The following YBX1 variants were observed in gnomAD, a reference collection of about 807,000 sequenced individuals.
The protein encoded by YBX1 is Y-box binding protein 1, also known as Y-box-binding protein 1.
In YBX1, 3 loss-of-function variants were observed where a neutral mutation model predicts 41.4. That is an observed-to-expected ratio of 0.07 (90% CI 0.03 to 0.19). The LOEUF (loss-of-function observed/expected upper bound fraction) is 0.19. Among genes scored for constraint, YBX1 ranks in the 10% least tolerant of loss-of-function variants. YBX1 has a pLI of 1.00. For synonymous variants in YBX1, 133 were observed against 165.8 expected (o/e 0.80, Z 1.52); for missense variants, 274 against 462.8 (o/e 0.59, Z 3.74).
Position 42,696,552 on chromosome 1 carries a change from C to A in YBX1, c.355-90C>A. On this transcript the variant is annotated intron_variant, in intron 4 of 7. Coordinates refer to ENST00000321358, the MANE Select transcript of YBX1 (RefSeq NM_004559.5). The surrounding 1 kb of genome is among the most constrained non-coding windows in gnomAD (Gnocchi z 5.7). ...TTTTCCTTAACTTTGTTGTTTTTTGCTTTGTTTGAAAATGTTCTGATTTCC... is the reference window on the plus strand; with the variant it reads ...TTTTCCTTAACTTTGTTGTTTTTTGATTTGTTTGAAAATGTTCTGATTTCC... 1 of 266,354 alleles carries A rather than the reference C, an allele frequency of 3.8e-6. No homozygotes were observed. Among genetic ancestry groups the A allele is most frequent in the Non-Finnish European group, 7.1e-6 (1 of 141,748 alleles). 16.5% of individuals were successfully genotyped at this position (266,354 alleles called of 1,614,324 possible).
In YBX1 at chr1:42,703,240, T is replaced by C. The variant is rs1328726846; in HGVS notation, c.*1291T>C. 1.3e-5 allele frequency among the ~76,000 whole-genome samples: 2 copies of C among 152,116 alleles called. No homozygotes were observed. The highest frequency in any genetic ancestry group is 2.9e-5 in the Non-Finnish European group (2 of 68,026). ...CACCTGGCCTCTCTGGCTTTTGTTTTCTAATGTTTTGTTAGATGTTCTTTG... is the reference window on the plus strand; with the variant it reads ...CACCTGGCCTCTCTGGCTTTTGTTTCCTAATGTTTTGTTAGATGTTCTTTG... On this transcript the variant is annotated 3_prime_UTR_variant, in exon 8 of 8. Coordinates refer to ENST00000321358, the MANE Select transcript of YBX1 (RefSeq NM_004559.5).
Position 42,682,425 on chromosome 1 carries a change from C to G in YBX1, c.-141C>G. On this transcript the variant is annotated 5_prime_UTR_variant, in exon 1 of 8. Transcript: ENST00000321358. ...TATCCCGCCTGTCCCGCCATTCTCGCTAGTTCGATCGGTAGCGGGAGCGGA... is the reference window on the plus strand; with the variant it reads ...TATCCCGCCTGTCCCGCCATTCTCGGTAGTTCGATCGGTAGCGGGAGCGGA... 1 of 1,090,722 alleles carries G rather than the reference C, an allele frequency of 9.2e-7. No individual in the cohort carries two copies. The highest frequency in any genetic ancestry group is 2.3e-5 in the South Asian group (1 of 42,702). The allele number at this position is 1,090,722 out of a possible 1,614,324, so 67.6% of individuals were successfully genotyped here.
In YBX1 at chr1:42,701,038, A is replaced by G; in HGVS notation, c.*23A>G. 1 of 1,611,004 alleles carries G rather than the reference A, an allele frequency of 6.2e-7. No homozygotes were observed. The highest frequency in any genetic ancestry group is 8.5e-7 in the Non-Finnish European group (1 of 1,177,356). On this transcript the variant is annotated 3_prime_UTR_variant, in exon 7 of 8. Transcript: ENST00000321358. ...TAAATGCCGGCTTACCATCTCTACC[A>G]TCATCCGGGTAAGCAAGCTTGGATG...
At chr1:42,684,689 T>C (rs573316678) in intron 2 of YBX1, among the ~76,000 whole-genome samples, 8 of 152,378 alleles carry the variant, frequency 5.3e-5, no homozygotes, top group Admixed American at 4.6e-4. Context: ...ATATACTGTT[T>C]GCTTTCCTGG....
Position 42,683,533 on chromosome 1 carries a change from G to C in YBX1, c.230+67G>C, listed in dbSNP as rs554651259. 1.5e-3 allele frequency: 2,341 copies of C among 1,584,204 alleles called. 4 individuals are homozygous for C. The highest frequency in any genetic ancestry group is 1.8e-3 in the Non-Finnish European group (2,060 of 1,155,104). ...TTGCTTCCTGCTCTGTCGGCTTCTC[G>C]GGGCTTGGGAAGCCCCAATCCACAG... is the stretch of plus-strand genomic sequence containing the variant. On this transcript the variant is annotated intron_variant, in intron 2 of 7. Coordinates refer to ENST00000321358, the MANE Select transcript of YBX1 (RefSeq NM_004559.5).
At chr1:42,692,180 A>G (rs1389362056) in intron 2 of YBX1, among the ~76,000 whole-genome samples, 2 of 152,228 alleles carry the variant, frequency 1.3e-5, no homozygotes, top group African/African-American at 2.4e-5. Context: ...GTTGAAAATC[A>G]CTATTCTAGA....
At chr1:42,689,814 T>A (rs145194874) in intron 2 of YBX1, among the ~76,000 whole-genome samples, 2 of 152,340 alleles carry the variant, frequency 1.3e-5, no homozygotes, top group Admixed American at 1.3e-4. Flanking sequence ...TTGCATTTTG[T>A]CTATTTTTAA....
chr1:42,696,546 T>A lies in YBX1; in HGVS notation c.355-96T>A. The A allele has an allele frequency of 1.4e-6, 1 of 713,786 alleles. No homozygotes were observed. Among genetic ancestry groups the A allele is most frequent in the South Asian group, 2.3e-5 (1 of 44,274 alleles). 44.2% of individuals were successfully genotyped at this position (713,786 alleles called of 1,614,324 possible). A position where few individuals can be genotyped will look rare whatever the true frequency, so the allele number is the denominator to read the frequency against. ...CCTTTTTTTTCCTTAACTTTGTTGT[T>A]TTTTGCTTTGTTTGAAAATGTTCTG... On this transcript the variant is annotated intron_variant, in intron 4 of 7. Transcript: ENST00000321358. The surrounding 1 kb of genome is among the most constrained non-coding windows in gnomAD (Gnocchi z 5.7).
intron 6 of YBX1, among the ~76,000 whole-genome samples, 175 bp from the exon 7 acceptor site, chr1:42,700,606 G>A (rs1195519627): frequency 5.7e-5 from 5 of 88,426 alleles, no homozygotes; most frequent in African/African-American, 1.0e-4. Flanking sequence ...CCCCTACTCA[G>A]CATCCCCCCC....
rs199727479 is a variant in YBX1, at chr1:42,692,201, A to G, written c.231-1289A>G. Among the ~76,000 whole-genome samples, 138 of 152,324 alleles carry G rather than the reference A, an allele frequency of 9.1e-4. 1 individual carries two copies. Among genetic ancestry groups the G allele is most frequent in the African/African-American group, 3.2e-3 (133 of 41,588 alleles). ...AATCACTATTCTAGACTTTGCCTGTATTTGCCTTTCTTACTCTACCAGTTT... is the reference window on the plus strand; with the variant it reads ...AATCACTATTCTAGACTTTGCCTGTGTTTGCCTTTCTTACTCTACCAGTTT... On this transcript the variant is annotated intron_variant, in intron 2 of 7. Transcript: ENST00000321358.
chr1:42,690,344 CAAT>C (rs1369335980), intron 2 of YBX1, among the ~76,000 whole-genome samples: 1 of 150,282 alleles, frequency 6.7e-6, no homozygotes, highest in African/African-American at 2.5e-5. Context: ...ATTTTCTTAA[CAAT>C]AGAAAGTGAT....
At chr1:42,697,321 G>GTCTACGTGTTT in intron 6 of YBX1, 59 bp downstream of exon 6, 3 of 1,517,316 alleles carry the variant, frequency 2.0e-6, no homozygotes, top group Non-Finnish European at 2.7e-6. Context: ...TTAGGACTCA[G>GTCTACGTGTTT]CAATATCATG....
intron 2 of YBX1, among the ~76,000 whole-genome samples, chr1:42,691,250 T>A (rs1025589592): frequency 9.9e-5 from 15 of 152,238 alleles, no homozygotes; most frequent in Non-Finnish European, 2.1e-4. Context: ...TTTACTGTCA[T>A]GACACTGGTC....
chr1:42,695,828 T>C (rs1350285601), intron 3 of YBX1, among the ~76,000 whole-genome samples: 2 of 152,240 alleles, frequency 1.3e-5, no homozygotes, highest in South Asian at 2.1e-4. Context: ...ACTGACGCAG[T>C]GTGGGGCCAC....
intron 2 of YBX1, 123 bp downstream of exon 2, chr1:42,683,589 G>A: frequency 9.8e-7 from 1 of 1,019,670 alleles, no homozygotes; most frequent in Non-Finnish European, 1.5e-6. Context: ...ACTACCTCTG[G>A]TGTATTAGTA....
intron 2 of YBX1, among the ~76,000 whole-genome samples, chr1:42,685,599 T>G (rs1650173693): frequency 6.6e-6 from 1 of 152,190 alleles, no homozygotes; most frequent in African/African-American, 2.4e-5. Flanking sequence ...CACCTGTCTC[T>G]TATGAGGGAG....
rs779830295 is a variant in YBX1 at position 42,683,479 on chromosome 1, G to A, written c.230+13G>A. 1 of 1,612,780 alleles carries A rather than the reference G, an allele frequency of 6.2e-7. No individual in the cohort carries two copies. Among genetic ancestry groups the A allele is most frequent in the Non-Finnish European group, 8.5e-7 (1 of 1,179,996 alleles). On this transcript the variant is annotated intron_variant, in intron 2 of 7. Transcript: ENST00000321358. Reference sequence around the variant, plus strand: ...GTTTCATCAACAGGTGAGCTGCCGGGCTCTGAAGCCTCCATCCCACCTTCT... The same window carrying A: ...GTTTCATCAACAGGTGAGCTGCCGGACTCTGAAGCCTCCATCCCACCTTCT...
Position 42,700,975 on chromosome 1 carries a change from A to C in YBX1, c.935A>C (p.Asn312Thr). ...AAAGCAGCCGATCCACCAGCTGAGA[A>C]TTCGTCCGCTCCCGAGGCTGAGCAG... ...ETKAADPPAE[N>T]SSAPEAEQGG... The change falls in exon 7 of 8, where the codon AAT becomes ACT. Residue 312 changes from asparagine (N) to threonine (T), a missense_variant. By Grantham distance (65) the Asn-to-Thr change is moderately conservative. This residue lies in a region of YBX1 where 187 missense variants were observed against 306.3 expected (regional missense o/e 0.61). Coordinates refer to ENST00000321358, the MANE Select transcript of YBX1 (RefSeq NM_004559.5). 6.2e-7 allele frequency: 1 copy of C among 1,614,122 alleles called. No individual in the cohort carries two copies. Among genetic ancestry groups the C allele is most frequent in the Non-Finnish European group, 8.5e-7 (1 of 1,180,016 alleles).
intron 1 of YBX1, chr1:42,683,184 C>A: frequency 1.5e-6 from 1 of 663,242 alleles, no homozygotes; most frequent in Admixed American, 2.2e-5. Flanking sequence ...CATCCTGGGG[C>A]CCGCGCCCCG....
Sources: allele counts gnomAD v4.1 joint callset (sites outside exome capture counted in the v4.1 genomes callset), GRCh38; gene constraint gnomAD v4.1.1; regional missense constraint gnomAD v4.1.1; non-coding constraint Gnocchi (gnomAD v3.1); transcripts MANE v1.5; gene names NCBI Gene and HGNC (gene_info 2026-07-23, HGNC 2026-07-21).